Variants in NRP2 observed in about 807,000 individuals in gnomAD.
NRP2 encodes the protein neuropilin 2.
A neutral mutation model predicts 110.4 loss-of-function variants in NRP2; 52 were observed. That is an observed-to-expected ratio of 0.47 (90% CI 0.38 to 0.59). NRP2 has a LOEUF of 0.59. Ranked by LOEUF, NRP2 falls within the 20% of genes least tolerant of loss-of-function variation. NRP2 has a pLI of 0.00. For synonymous variants in NRP2, 508 were observed against 468.9 expected (o/e 1.08, Z -1.08); for missense variants, 1,049 against 1,203.0 (o/e 0.87, Z 1.89).
At chr2:205,690,781 AAAAAT>A (rs969350217) in intron 1 of NRP2, among the ~76,000 whole-genome samples, 4 of 152,124 alleles carry the variant, frequency 2.6e-5, no homozygotes, top group Non-Finnish European at 4.4e-5. Context: ...CTCTGTCTCA[AAAAAT>A]AAAATAAAAT....
At chr2:205,764,469 G>C (rs1465667240) in intron 13 of NRP2, 4 of 166,886 alleles carry the variant, frequency 2.4e-5, no homozygotes, top group African/African-American at 9.6e-5. Context: ...CTGCCCCACA[G>C]AGCAGGAGAC....
intron 15 of NRP2, among the ~76,000 whole-genome samples, chr2:205,784,326 A>G (rs970576954): frequency 2.0e-5 from 3 of 152,224 alleles, no homozygotes; most frequent in African/African-American, 7.2e-5. Flanking sequence ...TTGAAGCTTC[A>G]TTTAAGCACA....
chr2:205,758,477 C>T (rs1286597295), intron 12 of NRP2, among the ~76,000 whole-genome samples: 2 of 152,186 alleles, frequency 1.3e-5, no homozygotes, highest in Admixed American at 6.5e-5. Context: ...AAGCCAGATG[C>T]GGCCGTAAAT....
At chr2:205,794,630 T>A in intron 16 of NRP2, 124 bp from the exon 17 acceptor site, 6 of 1,020,746 alleles carry the variant, frequency 5.9e-6, no homozygotes, top group Admixed American at 1.7e-5. Flanking sequence ...ACCCAGGCAG[T>A]CTAATTCCAG....
chr2:205,790,467 C>T (rs1412586506), intron 15 of NRP2, among the ~76,000 whole-genome samples: 1 of 152,100 alleles, frequency 6.6e-6, no homozygotes, highest in African/African-American at 2.4e-5. Flanking sequence ...GAAACAAGAT[C>T]CCTAAAAGCA....
chr2:205,741,899 A>G (rs1208711804), intron 8 of NRP2, among the ~76,000 whole-genome samples: 2 of 152,236 alleles, frequency 1.3e-5, no homozygotes, highest in Non-Finnish European at 2.9e-5. Context: ...GAGGCTAAAT[A>G]GCTTGCCCAA....
intron 1 of NRP2, among the ~76,000 whole-genome samples, chr2:205,685,471 C>T (rs2056127315): frequency 6.6e-6 from 1 of 152,242 alleles, no homozygotes; most frequent in Non-Finnish European, 1.5e-5. Context: ...GTTCAGCCGC[C>T]GCCGCCGGCG....
intron 2 of NRP2, chr2:205,700,559 G>T (rs991458327): frequency 2.9e-6 from 1 of 339,044 alleles, no homozygotes; most frequent in Non-Finnish European, 5.9e-6. Flanking sequence ...GCCCTGATAT[G>T]AAAGAATTTA....
chr2:205,730,934 TG>T (rs1163721274), intron 7 of NRP2, among the ~76,000 whole-genome samples: 1 of 152,250 alleles, frequency 6.6e-6, no homozygotes, highest in Non-Finnish European at 1.5e-5. Context: ...GGCAGCAGCC[TG>T]TTCTTGGTCT....
In NRP2 at chr2:205,752,849, C is replaced by T. The variant is rs973565449; in HGVS notation, c.1918C>T (p.Leu640Phe). The change falls in exon 12 of 17, where the codon CTC becomes TTC. Residue 640 changes from leucine (L) to phenylalanine (F), a missense_variant. Transcript: ENST00000357785. Reference protein sequence around the residue: ...CSFEDDKDLQLPSGFNCNFDF... With the variant: ...CSFEDDKDLQFPSGFNCNFDF... ...TCCCCTTTTAGACAAAGATTTGCAG[C>T]TCCCTTCGGGATTCAATTGCAACTT... 1.9e-6 allele frequency: 3 copies of T among 1,614,086 alleles called. No individual in the cohort carries two copies. Among genetic ancestry groups the T allele is most frequent in the African/African-American group, 1.3e-5 (1 of 74,932 alleles).
rs531572875 is a variant in NRP2, at chr2:205,732,553, G to A, written c.1146+4507G>A. On this transcript the variant is annotated intron_variant, in intron 7 of 16. Coordinates refer to ENST00000357785, the MANE Select transcript of NRP2 (RefSeq NM_003872.3). ...CCCAGTCCAAATGGAATGGCGCTGC[G>A]GCTGCTATCGGCAAAGCACCTTGAG... 9.2e-5 allele frequency among the ~76,000 whole-genome samples: 14 copies of A among 152,334 alleles called. No individual in the cohort carries two copies. In the East Asian group the frequency reaches 1.5e-3, roughly 17 times the overall value.
intron 7 of NRP2, among the ~76,000 whole-genome samples, chr2:205,739,064 T>C (rs1277698768): frequency 6.6e-6 from 1 of 152,228 alleles, no homozygotes; most frequent in Non-Finnish European, 1.5e-5. Flanking sequence ...TGTAGACTTC[T>C]GTGCTGCTCT....
At chr2:205,781,341 G>T (rs974828129) in intron 15 of NRP2, among the ~76,000 whole-genome samples, 1 of 152,230 alleles carries the variant, frequency 6.6e-6, no homozygotes, top group African/African-American at 2.4e-5. Context: ...CAGAAATTTT[G>T]TTTCCATGGA....
rs1173939765 is a variant in NRP2, at chr2:205,763,866, T to G, written c.2237T>G (p.Ile746Ser). 1 of 1,614,000 alleles carries G rather than the reference T, an allele frequency of 6.2e-7. No individual in the cohort carries two copies. The highest frequency in any genetic ancestry group is 8.5e-7 in the Non-Finnish European group (1 of 1,180,016). ...CAGGAGAGCAAGTTGCTGTGGGTCA[T>G]CCGTGAGGACCAGGGCGGCGAGTGG... Reference protein sequence around the residue: ...ASQESKLLWVIREDQGGEWKH... With the variant: ...ASQESKLLWVSREDQGGEWKH... The change falls in exon 13 of 17, where the codon ATC becomes AGC. Residue 746 changes from isoleucine (I) to serine (S), a missense_variant. Transcript: ENST00000357785. This position sits in a 1 kb window ranked among gnomAD's most constrained non-coding sequence, Gnocchi z 4.0.
chr2:205,697,804 C>A, intron 2 of NRP2, 83 bp downstream of exon 2: 2 of 1,335,548 alleles, frequency 1.5e-6, no homozygotes, highest in Non-Finnish European at 2.2e-6. Context: ...TCACTTCTAT[C>A]ACCCCTCACC....
chr2:205,791,678 T>C (rs576693626), intron 15 of NRP2, among the ~76,000 whole-genome samples: 12 of 152,294 alleles, frequency 7.9e-5, no homozygotes, highest in Non-Finnish European at 1.8e-4. Flanking sequence ...GGATGAGAAA[T>C]ATTAGCACAG....
chr2:205,712,108 GAGAAAGCATTCTCT>G (rs1188173084), intron 2 of NRP2, among the ~76,000 whole-genome samples: 1 of 152,190 alleles, frequency 6.6e-6, no homozygotes, highest in Non-Finnish European at 1.5e-5. Flanking sequence ...AAAGAAAGTA[GAGAAAGCATTCTCT>G]AGACAAATGC....
chr2:205,721,109 T>A (rs766937597), intron 3 of NRP2, among the ~76,000 whole-genome samples: 9 of 152,174 alleles, frequency 5.9e-5, no homozygotes, highest in African/African-American at 9.7e-5. Flanking sequence ...AATCAGACAT[T>A]TGCCTCTTTC....
intron 15 of NRP2, chr2:205,776,548 C>T: frequency 6.2e-7 from 1 of 1,601,262 alleles, no homozygotes; most frequent in Non-Finnish European, 8.5e-7. Flanking sequence ...AGAACAGCAC[C>T]CAAAACAAAC....
Sources: allele counts gnomAD v4.1 joint callset (sites outside exome capture counted in the v4.1 genomes callset), GRCh38; gene constraint gnomAD v4.1.1; non-coding constraint Gnocchi (gnomAD v3.1); transcripts MANE v1.5; gene names NCBI Gene and HGNC (gene_info 2026-07-23, HGNC 2026-07-21).